Variants in PIK3C2G observed in about 807,000 individuals in gnomAD.
The protein encoded by PIK3C2G is phosphatidylinositol-4-phosphate 3-kinase catalytic subunit type 2 gamma.
A neutral mutation model predicts 181.1 loss-of-function variants in PIK3C2G; 168 were observed. That is an observed-to-expected ratio of 0.93 (90% confidence interval 0.82 to 1.05). The LOEUF (loss-of-function observed/expected upper bound fraction) is 1.05. Among genes scored for constraint, PIK3C2G ranks in the 50% least tolerant of loss-of-function variants. The pLI, the probability that PIK3C2G is intolerant of heterozygous loss-of-function variation, is 0.00. For synonymous variants in PIK3C2G, 573 were observed against 592.2 expected (o/e 0.97, Z 0.47); for missense variants, 1,869 against 1,732.8 (o/e 1.08, Z -1.40).
chr12:18,330,995 A>G (rs1937897913), intron 8 of PIK3C2G, among the ~76,000 whole-genome samples: 1 of 152,124 alleles, frequency 6.6e-6, no homozygotes, highest in African/African-American at 2.4e-5. Context: ...TGCATACTAT[A>G]TTTTTCAATA....
chr12:18,716,711 C>A, the PIK3C2G span, among the ~76,000 whole-genome samples: 1 of 152,132 alleles, frequency 6.6e-6, no homozygotes, highest in Non-Finnish European at 1.5e-5. Context: ...TTTATTTCAT[C>A]TATTTATCTT....
intron 16 of PIK3C2G, 29 bp from the exon 17 acceptor site, chr12:18,420,912 G>A: frequency 8.6e-7 from 1 of 1,166,090 alleles, no homozygotes; most frequent in Non-Finnish European, 1.3e-6. Flanking sequence ...ACCATTAACA[G>A]CTTAGTGGAT....
intron 22 of PIK3C2G, among the ~76,000 whole-genome samples, chr12:18,500,118 G>T (rs1010418178): frequency 6.6e-6 from 1 of 152,290 alleles, no homozygotes; most frequent in South Asian, 2.1e-4. Flanking sequence ...GCCGGAGCTG[G>T]CTCCCTCAGC....
the PIK3C2G span, among the ~76,000 whole-genome samples, chr12:18,708,435 T>C: frequency 1.3e-5 from 2 of 152,234 alleles, no homozygotes; most frequent in African/African-American, 4.8e-5. Context: ...GTTGTTTCCA[T>C]ATCATGTCTA....
chr12:18,253,993 CAA>C (rs1948119735), intron 1 of PIK3C2G, among the ~76,000 whole-genome samples: 1 of 146,194 alleles, frequency 6.8e-6, no homozygotes, highest in African/African-American at 2.5e-5. Flanking sequence ...GAGGCTGCTC[CAA>C]AGAGACAAAC....
At chr12:18,271,032 T>A (rs1247786938) in intron 1 of PIK3C2G, among the ~76,000 whole-genome samples, 1 of 152,126 alleles carries the variant, frequency 6.6e-6, no homozygotes, top group Admixed American at 6.6e-5. Context: ...TGGCTCTCCC[T>A]TAGGACTCTG....
the PIK3C2G span, chr12:18,694,921 G>T: frequency 6.3e-7 from 1 of 1,593,318 alleles, no homozygotes; most frequent in Non-Finnish European, 8.6e-7. Flanking sequence ...CTTATTGTAA[G>T]TGTAATTGGC....
At chr12:18,493,892 T>A (rs1940793704) in intron 20 of PIK3C2G, among the ~76,000 whole-genome samples, 1 of 152,170 alleles carries the variant, frequency 6.6e-6, no homozygotes, top group South Asian at 2.1e-4. Context: ...CCACAAACCA[T>A]TAATCACAAT....
chr12:18,649,636 C>T (rs530977107), downstream of PIK3C2G, among the ~76,000 whole-genome samples: 15 of 152,212 alleles, frequency 9.9e-5, no homozygotes, highest in South Asian at 3.1e-3. Flanking sequence ...CTCTTAGAGC[C>T]ATTACAAGCA....
intron 24 of PIK3C2G, among the ~76,000 whole-genome samples, chr12:18,535,958 TG>T (rs1474873561): frequency 6.8e-5 from 6 of 88,272 alleles, no homozygotes; most frequent in Non-Finnish European, 1.2e-4. Context: ...GGGCCTGCTG[TG>T]GGGTGGGGGA....
At chr12:18,277,453 T>C (rs1949030906) in intron 1 of PIK3C2G, among the ~76,000 whole-genome samples, 1 of 152,184 alleles carries the variant, frequency 6.6e-6, no homozygotes, top group Non-Finnish European at 1.5e-5. Context: ...TTTAGCTCAT[T>C]AGACATTGAC....
intron 32 of PIK3C2G, among the ~76,000 whole-genome samples, chr12:18,643,587 T>C (rs887754417): frequency 7.9e-5 from 12 of 151,598 alleles, no homozygotes; most frequent in African/African-American, 2.9e-4. Flanking sequence ...AACAAGAATA[T>C]TTATAAGAAA....
At position 18,602,149 on chromosome 12, in the gene PIK3C2G, G is replaced by A. The variant is rs76178862; in HGVS notation, c.4088-7386G>A. On this transcript the variant is annotated intron_variant, in intron 30 of 32. Coordinates refer to ENST00000538779, the MANE Select transcript of PIK3C2G (RefSeq NM_001288772.2). ...GGTGGAAAGCTTTGGGCAACTTTTC[G>A]AGCCTGACTCGCCCTCCACCTGGAA... is the stretch of plus-strand genomic sequence containing the variant. Among the ~76,000 whole-genome samples, 369 of 152,094 alleles carry A rather than the reference G, an allele frequency of 2.4e-3. 9 individuals are homozygous for A. In the East Asian group the frequency reaches 0.053, roughly 22 times the overall value.
intron 12 of PIK3C2G, among the ~76,000 whole-genome samples, chr12:18,364,626 C>T (rs1017211424): frequency 2.6e-5 from 4 of 152,056 alleles, no homozygotes; most frequent in African/African-American, 7.2e-5. Flanking sequence ...AACCCAGGTG[C>T]GGTGGCCACA....
At chr12:18,490,423 A>T (rs1055459423) in intron 19 of PIK3C2G, among the ~76,000 whole-genome samples, 3 of 152,120 alleles carry the variant, frequency 2.0e-5, no homozygotes, top group Admixed American at 2.0e-4. Context: ...GCACAAAAAA[A>T]TTTTTCTACC....
rs915302240 is a variant in PIK3C2G, at chr12:18,613,318, T to C, written c.4182+3689T>C. Among the ~76,000 whole-genome samples the C allele has an allele frequency of 3.9e-5, 6 of 152,078 alleles. No individual in the cohort carries two copies. In the East Asian group the frequency reaches 7.7e-4, roughly 20 times the overall value. On this transcript the variant is annotated intron_variant, in intron 31 of 32. Coordinates refer to ENST00000538779, the MANE Select transcript of PIK3C2G (RefSeq NM_001288772.2). ...ATCTACCCACACTTTCTTAGGCTCT[T>C]AGAACAAGGAGCAAGAAATGTCAGG...
At chr12:18,673,556 G>C in the PIK3C2G span, among the ~76,000 whole-genome samples, 1 of 152,094 alleles carries the variant, frequency 6.6e-6, no homozygotes, top group Admixed American at 6.5e-5. Context: ...ACAAAGAAAA[G>C]ACCTATTCTA....
chr12:18,699,862 A>T, the PIK3C2G span: 1 of 1,613,244 alleles, frequency 6.2e-7, no homozygotes, highest in Non-Finnish European at 8.5e-7. Flanking sequence ...TTGCTGATAT[A>T]ATCTTGAATG....
intron 32 of PIK3C2G, among the ~76,000 whole-genome samples, chr12:18,645,401 AAAT>A (rs1950069044): frequency 6.6e-6 from 1 of 152,328 alleles, no homozygotes; most frequent in East Asian, 1.9e-4. Flanking sequence ...ACTTTTAAGA[AAAT>A]AACTTTTCTT....
Sources: allele counts gnomAD v4.1 joint callset (sites outside exome capture counted in the v4.1 genomes callset), GRCh38; gene constraint gnomAD v4.1.1; transcripts MANE v1.5; gene names NCBI Gene and HGNC (gene_info 2026-07-23, HGNC 2026-07-21).